Variants in VPS35L observed in about 807,000 individuals in gnomAD.
VPS35L encodes the protein VPS35 endosomal protein-sorting factor-like.
VPS35L carries 83 observed loss-of-function variants against 133.0 expected under a neutral mutation model. The observed-to-expected ratio is 0.62, with a 90% CI of 0.52 to 0.75. The LOEUF (loss-of-function observed/expected upper bound fraction) is 0.75. Among genes scored for constraint, VPS35L ranks in the 30% least tolerant of loss-of-function variants. The pLI, the probability that VPS35L is intolerant of heterozygous loss-of-function variation, is 0.00. For synonymous variants in VPS35L, 423 were observed against 449.9 expected (o/e 0.94, Z 0.76); for missense variants, 1,083 against 1,206.8 (o/e 0.90, Z 1.52).
chr16:19,647,340 T>C (rs1041644161), intron 23 of VPS35L, among the ~76,000 whole-genome samples: 5 of 152,180 alleles, frequency 3.3e-5, no homozygotes, highest in African/African-American at 1.2e-4. Flanking sequence ...TACAGTAAAG[T>C]TTTTCTTACT....
At chr16:19,674,947 TTTTC>T (rs1371892502) in intron 27 of VPS35L, among the ~76,000 whole-genome samples, 4 of 144,068 alleles carry the variant, frequency 2.8e-5, no homozygotes, top group Non-Finnish European at 3.1e-5. Flanking sequence ...TTTTCTTTTC[TTTTC>T]TTTCTTTTTT....
At chr16:19,645,635 C>T (rs57379566) in intron 23 of VPS35L, among the ~76,000 whole-genome samples, 3,609 of 152,196 alleles carry the variant, frequency 0.024, 87 homozygotes, top group African/African-American at 0.056. Context: ...GCCTCCGGCT[C>T]AGCTGGGCTT....
intron 4 of VPS35L, among the ~76,000 whole-genome samples, chr16:19,573,656 T>TA (rs1479861159): frequency 1.3e-5 from 2 of 151,884 alleles, no homozygotes; most frequent in Non-Finnish European, 2.9e-5. Flanking sequence ...CCATCTCTAC[T>TA]AAAAAAATTA....
chr16:19,585,573 A>C, intron 7 of VPS35L, among the ~76,000 whole-genome samples: 1 of 151,014 alleles, frequency 6.6e-6, no homozygotes, highest in East Asian at 2.0e-4. Flanking sequence ...AGTTTATTTA[A>C]AATTTTTTTT....
chr16:19,580,548 T>A (rs1971677034), intron 6 of VPS35L, among the ~76,000 whole-genome samples: 1 of 152,168 alleles, frequency 6.6e-6, no homozygotes, highest in Admixed American at 6.6e-5. Flanking sequence ...CTCTTAACAA[T>A]AGCCCAGGGT....
intron 19 of VPS35L, among the ~76,000 whole-genome samples, chr16:19,634,940 T>C (rs1567442830): frequency 6.6e-6 from 1 of 152,178 alleles, no homozygotes; most frequent in Non-Finnish European, 1.5e-5. Flanking sequence ...CCTGCAGATG[T>C]AGTACCCTAA....
chr16:19,589,740 T>A (rs1443588995), intron 7 of VPS35L, among the ~76,000 whole-genome samples: 4 of 152,228 alleles, frequency 2.6e-5, no homozygotes, highest in Non-Finnish European at 5.9e-5. Context: ...ATAAAATATA[T>A]GTTCTATGAA....
At chr16:19,665,515 C>CT (rs1416524996) in intron 26 of VPS35L, among the ~76,000 whole-genome samples, 1 of 152,298 alleles carries the variant, frequency 6.6e-6, no homozygotes, top group South Asian at 2.1e-4. Context: ...ACAGAATCTC[C>CT]TTTTTTATGG....
chr16:19,601,311 G>C (rs1972375287), intron 8 of VPS35L, among the ~76,000 whole-genome samples: 3 of 152,220 alleles, frequency 2.0e-5, no homozygotes, highest in Admixed American at 2.0e-4. Flanking sequence ...GAGTGGCCAT[G>C]CACAACTGGT....
chr16:19,686,501 A>G (rs1975465545), intron 28 of VPS35L, among the ~76,000 whole-genome samples: 1 of 152,096 alleles, frequency 6.6e-6, no homozygotes, highest in Non-Finnish European at 1.5e-5. Context: ...ACAACTCAGG[A>G]TGCTTCTGTG....
rs779687445 is a variant in VPS35L at position 19,640,060 on chromosome 16, C to T, written c.1744C>T (p.Arg582Trp). 82 of 1,614,074 alleles carry T rather than the reference C, an allele frequency of 5.1e-5. No homozygotes were observed. The highest frequency in any genetic ancestry group is 2.9e-4 in the South Asian group (26 of 91,068). The change falls in exon 21 of 31, where the codon CGG becomes TGG. Residue 582 changes from arginine (R) to tryptophan (W), a missense_variant. By Grantham distance (101) the Arg-to-Trp change is moderately radical (BLOSUM62 -3). Coordinates refer to ENST00000417362, the MANE Select transcript of VPS35L (RefSeq NM_020314.7). The part of the protein sequence containing the change: ...FLDMFQKESV[R>W]VEVCKCIMDA... The stretch of plus-strand genomic sequence containing the variant: ...GGACATGTTCCAAAAAGAGAGTGTG[C>T]GGGTGGAGGTTTGCAAATGCATCAT...
intron 19 of VPS35L, among the ~76,000 whole-genome samples, chr16:19,634,014 C>T (rs762168178): frequency 1.1e-4 from 16 of 152,172 alleles, no homozygotes; most frequent in Admixed American, 3.3e-4. Flanking sequence ...GCATGAGCCA[C>T]TGCACCCGGC....
At chr16:19,696,373 C>G (rs994671825) in intron 29 of VPS35L, among the ~76,000 whole-genome samples, 1 of 152,140 alleles carries the variant, frequency 6.6e-6, no homozygotes, top group Non-Finnish European at 1.5e-5. Flanking sequence ...ATGCCTGTGC[C>G]GTTCTGAGAA....
At chr16:19,612,880 G>A (rs1003191063) in intron 12 of VPS35L, among the ~76,000 whole-genome samples, 1 of 152,212 alleles carries the variant, frequency 6.6e-6, no homozygotes, top group African/African-American at 2.4e-5. Context: ...AAGATGCAGA[G>A]GACAGAGCAG....
intron 28 of VPS35L, among the ~76,000 whole-genome samples, chr16:19,689,276 G>GTT (rs11327238): frequency 1.0e-4 from 15 of 144,266 alleles, no homozygotes; most frequent in Middle Eastern, 3.6e-3. Flanking sequence ...TGTGCCTGGC[G>GTT]TTTTTTTTTT....
chr16:19,609,051 T>A, intron 11 of VPS35L, 30 bp downstream of exon 11: 1 of 1,589,600 alleles, frequency 6.3e-7, no homozygotes, highest in South Asian at 1.1e-5. Context: ...TCTAGAACCA[T>A]AAAATTTCTA....
intron 27 of VPS35L, among the ~76,000 whole-genome samples, chr16:19,678,496 TGA>T (rs1975140361): frequency 6.6e-6 from 1 of 151,690 alleles, no homozygotes; most frequent in African/African-American, 2.4e-5. Context: ...TTTTTTTTTT[TGA>T]GAGGAGTCTC....
chr16:19,685,179 G>T (rs1975416307), intron 28 of VPS35L, among the ~76,000 whole-genome samples: 1 of 152,052 alleles, frequency 6.6e-6, no homozygotes, highest in African/African-American at 2.4e-5. Flanking sequence ...TCAAGAAATA[G>T]AACACCTCCT....
At chr16:19,621,477 T>A (rs1232991296) in intron 14 of VPS35L, among the ~76,000 whole-genome samples, 1 of 152,192 alleles carries the variant, frequency 6.6e-6, no homozygotes, top group Non-Finnish European at 1.5e-5. Context: ...AACAAAAGCC[T>A]AAAAAACAAA....
Sources: gnomAD v4.1 joint callset for allele counts (sites outside exome capture counted in the v4.1 genomes callset) on GRCh38, gnomAD v4.1.1 for gene constraint, MANE v1.5 for transcripts, NCBI Gene and HGNC (gene_info 2026-07-23, HGNC 2026-07-21) for gene names.